ANK3: variants seen among roughly 807,000 people sequenced by gnomAD.
ANK3 encodes ankyrin 3, also known as ankyrin-3.
Under a neutral mutation model 370.9 loss-of-function variants are expected in ANK3, and 57 were observed. That is an observed-to-expected ratio of 0.15 (90% CI 0.12 to 0.19). The LOEUF (loss-of-function observed/expected upper bound fraction) is 0.19. Ranked by LOEUF, ANK3 falls within the 10% of genes least tolerant of loss-of-function variation. The pLI, the probability that ANK3 is intolerant of heterozygous loss-of-function variation, is 1.00. For synonymous variants in ANK3, 1,929 were observed against 1,946.3 expected, an observed-to-expected ratio of 0.99 and a Z score of 0.23; for missense variants, 4,439 against 5,302.1, an observed-to-expected ratio of 0.84 and a Z score of 5.06.
intron 2 of ANK3, among the ~76,000 whole-genome samples, chr10:60,492,798 C>T (rs187694617): frequency 1.8e-3 from 261 of 145,906 alleles, no homozygotes; most frequent in African/African-American, 5.9e-3. Context: ...CTAACTGAGC[C>T]GGGCGTGGTG....
At chr10:60,382,020 T>G (rs2061614253) in intron 1 of ANK3, among the ~76,000 whole-genome samples, 1 of 152,208 alleles carries the variant, frequency 6.6e-6, no homozygotes, top group African/African-American at 2.4e-5. Context: ...TTTCATACTT[T>G]CTTTCACTGT....
chr10:60,398,998 A>C (rs1489221636), intron 2 of ANK3, among the ~76,000 whole-genome samples: 2 of 152,220 alleles, frequency 1.3e-5, no homozygotes, highest in Non-Finnish European at 2.9e-5. Context: ...TACTTTGTAG[A>C]GCACATAAAT....
intron 1 of ANK3, among the ~76,000 whole-genome samples, chr10:60,652,104 C>T (rs1310971688): frequency 1.3e-5 from 2 of 152,100 alleles, no homozygotes; most frequent in Non-Finnish European, 2.9e-5. Flanking sequence ...TGCCTGTAAT[C>T]CTAGCACTTT....
chr10:60,615,925 T>C (rs1320130733), intron 1 of ANK3, among the ~76,000 whole-genome samples: 2 of 152,216 alleles, frequency 1.3e-5, no homozygotes, highest in African/African-American at 4.8e-5. Flanking sequence ...GCTCATTTCC[T>C]ATCAGAATAT....
At chr10:60,591,619 C>A (rs2077915801) in intron 2 of ANK3, among the ~76,000 whole-genome samples, 1 of 152,144 alleles carries the variant, frequency 6.6e-6, no homozygotes, top group South Asian at 2.1e-4. Context: ...AAGATATCTG[C>A]ACTCCCATGT....
At chr10:60,131,708 A>G (rs891895690) in intron 25 of ANK3, among the ~76,000 whole-genome samples, 2 of 152,154 alleles carry the variant, frequency 1.3e-5, no homozygotes, top group African/African-American at 4.8e-5. Context: ...CACCACAAAC[A>G]CTTGCATTTT....
intron 43 of ANK3, among the ~76,000 whole-genome samples, chr10:60,033,371 C>T (rs979230941): frequency 3.3e-5 from 5 of 151,706 alleles, no homozygotes; most frequent in African/African-American, 9.7e-5. Context: ...AAAAATTGGC[C>T]GGGTGAGGTG....
intron 1 of ANK3, among the ~76,000 whole-genome samples, chr10:60,644,473 AC>A (rs776406710): frequency 6.8e-4 from 104 of 152,314 alleles, no homozygotes; most frequent in Non-Finnish European, 8.7e-4. Flanking sequence ...AAAAACCACT[AC>A]GTTTTAAATT....
At position 60,484,244 on chromosome 10, in the gene ANK3, T is replaced by G. The variant is rs2075294578; in HGVS notation, c.96+130942A>C. ...GGGGGATGGAAATGAGAGACAACCT[T>G]AGATGACGGTTGTGTCAACTGGGCT... On this transcript the variant is annotated intron_variant, in intron 2 of 43. Transcript: ENST00000373827. Among the ~76,000 whole-genome samples, 3 of 152,298 alleles carry G rather than the reference T, an allele frequency of 2.0e-5. No homozygotes were observed. The South Asian group carries it at 6.2e-4, about 32-fold the overall frequency.
At position 60,200,156 on chromosome 10, in the gene ANK3, G is replaced by A. The variant is rs150430693; in HGVS notation, c.1464C>T (p.Asp488=). ...QAEVVRYLVQ[D]GAQVEAKAKD... ...TAGCTTTAGCTTCTACCTGAGCTCC[G>A]TCTTGTACCAGATACCGCACAACTT... The change falls in exon 13 of 44, where the codon GAC becomes GAT. Residue 488 remains aspartate, a synonymous_variant. Transcript: ENST00000280772. 1.5e-5 allele frequency: 24 copies of A among 1,613,942 alleles called. No individual in the cohort carries two copies. Among genetic ancestry groups the A allele is most frequent in the Middle Eastern group, 3.3e-4 (2 of 6,084 alleles).
At chr10:60,638,853 G>C (rs542616163) in intron 1 of ANK3, among the ~76,000 whole-genome samples, 1 of 152,142 alleles carries the variant, frequency 6.6e-6, no homozygotes, top group South Asian at 2.1e-4. Flanking sequence ...CAGACAGAAA[G>C]ATGATTGAAA....
rs1478592260 is a variant in ANK3, at chr10:60,112,140, A to C, written c.2948+2085T>G. The stretch of plus-strand genomic sequence containing the variant: ...TACTTCATTGTTTTTAATGTATGGG[A>C]AAGTTCATTTCTGATTTTGTTATCA... On this transcript the variant is annotated intron_variant, in intron 26 of 43. Coordinates refer to ENST00000280772, the MANE Select transcript of ANK3 (RefSeq NM_020987.5). Among the ~76,000 whole-genome samples, 5 of 152,282 alleles carry C rather than the reference A, an allele frequency of 3.3e-5. No individual in the cohort carries two copies. The East Asian group carries it at 7.7e-4, about 24-fold the overall frequency.
intron 1 of ANK3, among the ~76,000 whole-genome samples, chr10:60,661,219 T>A (rs1204761465): frequency 6.6e-6 from 1 of 151,820 alleles, no homozygotes; most frequent in Non-Finnish European, 1.5e-5. Flanking sequence ...GGTTACAGTT[T>A]TATGTATACT....
intron 1 of ANK3, among the ~76,000 whole-genome samples, chr10:60,732,536 C>T (rs2080038169): frequency 6.6e-6 from 1 of 152,098 alleles, no homozygotes; most frequent in Admixed American, 6.5e-5. Flanking sequence ...ACAAGGCTCT[C>T]GGAGATCGGA....
chr10:60,376,127 C>A (rs1470097135), intron 1 of ANK3, among the ~76,000 whole-genome samples: 2 of 152,188 alleles, frequency 1.3e-5, no homozygotes, highest in Admixed American at 1.3e-4. Flanking sequence ...CAAACCCAAG[C>A]CGGTCTGCCT....
chr10:60,624,722 T>TAAAAA, intron 1 of ANK3, among the ~76,000 whole-genome samples: 1 of 126,940 alleles, frequency 7.9e-6, no homozygotes, highest in Admixed American at 8.1e-5. Context: ...ATAGTGGCTT[T>TAAAAA]AAAAAAAAAA....
At chr10:60,690,076 A>T (rs1010143242) in intron 1 of ANK3, among the ~76,000 whole-genome samples, 47 of 152,370 alleles carry the variant, frequency 3.1e-4, no homozygotes, top group African/African-American at 1.0e-3. Context: ...GATAAATAGT[A>T]TTTAAATAAT....
rs2082152605 is a variant in ANK3, at chr10:60,068,953, G to A, written c.11928C>T (p.Thr3976=). 1 of 1,613,568 alleles carries A rather than the reference G, an allele frequency of 6.2e-7. No individual in the cohort carries two copies. The highest frequency in any genetic ancestry group is 1.3e-5 in the African/African-American group (1 of 74,870). Residue 3976 remains threonine (T), a synonymous_variant, in exon 37 of 44, where the codon ACC becomes ACT. Transcript: ENST00000280772. ...ATTTTTTTTT[T]TTSCTVKVRK... is the part of the protein sequence containing the mutation. ...TAACTTTAACTGTGCAGCTGGTGGT[G>A]GTGGTAGTGGTGGTAGTGGTGGTGG...
chr10:60,562,627 C>G (rs10740032), intron 2 of ANK3, among the ~76,000 whole-genome samples: 1 of 151,936 alleles, frequency 6.6e-6, no homozygotes, highest in Non-Finnish European at 1.5e-5. Context: ...GGTTTAAATA[C>G]GCTTTGTTTC....
Sources: allele counts gnomAD v4.1 joint callset (sites outside exome capture counted in the v4.1 genomes callset), GRCh38; gene constraint gnomAD v4.1.1; transcripts MANE v1.5; gene names NCBI Gene and HGNC (gene_info 2026-07-23, HGNC 2026-07-21).